Variants in APLF observed in about 807,000 individuals in gnomAD.
APLF encodes aprataxin and PNK-like factor.
APLF carries 61 observed loss-of-function variants against 55.6 expected under a neutral mutation model. The ratio of observed to expected loss-of-function variants is 1.10; its 90% CI spans 0.89 to 1.36. APLF has a LOEUF of 1.36. Among genes scored for constraint, APLF ranks in the 40% most tolerant of loss-of-function variants. The probability of loss-of-function intolerance (pLI) is 0.00; values close to 1 mark genes in which losing one functional copy is unlikely to be tolerated. For synonymous variants in APLF, 207 were observed against 214.8 expected (o/e 0.96, Z 0.32); for missense variants, 611 against 602.5 (o/e 1.01, Z -0.15).
chr2:68,565,007 G>A (rs534228859), intron 8 of APLF, among the ~76,000 whole-genome samples: 1 of 152,074 alleles, frequency 6.6e-6, no homozygotes, highest in Non-Finnish European at 1.5e-5. Flanking sequence ...TCTCAGCTTT[G>A]TTACCCATAT....
intron 1 of APLF, among the ~76,000 whole-genome samples, chr2:68,478,686 A>C (rs1675858424): frequency 6.6e-6 from 1 of 152,222 alleles, no homozygotes; most frequent in Admixed American, 6.5e-5. Context: ...CTGTCTGAAC[A>C]GGTTTTTTAA....
intron 3 of APLF, among the ~76,000 whole-genome samples, chr2:68,508,341 G>T (rs149674077): frequency 6.4e-4 from 98 of 151,962 alleles, no homozygotes; most frequent in Non-Finnish European, 9.9e-4. Flanking sequence ...TGACAAAGGT[G>T]TCAAGACAAT....
chr2:68,572,441 A>G (rs1181248788), intron 9 of APLF, among the ~76,000 whole-genome samples: 2 of 152,220 alleles, frequency 1.3e-5, no homozygotes, highest in Non-Finnish European at 2.9e-5. Flanking sequence ...ATTTAATAGA[A>G]AGTAAAAGAA....
chr2:68,528,439 C>T lies in APLF; in HGVS notation c.804+2197C>T. ...GGGGCCTCTCATCTCTCTCCCACCT[C>T]AGTTGCAGGGGAGGGGTTGGTTGCA... On this transcript the variant is annotated intron_variant, in intron 6 of 9. Coordinates refer to ENST00000303795, the MANE Select transcript of APLF (RefSeq NM_173545.3). The T allele has an allele frequency of 3.3e-6, 5 of 1,534,312 alleles. No individual in the cohort carries two copies. The South Asian group carries it at 4.8e-5, about 15-fold the overall frequency.
At chr2:68,575,367 G>A (rs1245996328) in intron 9 of APLF, among the ~76,000 whole-genome samples, 1 of 152,176 alleles carries the variant, frequency 6.6e-6, no homozygotes, top group Non-Finnish European at 1.5e-5. Context: ...CATAGGATGA[G>A]ATCAGAAAAC....
At chr2:68,551,591 A>ATTATTC (rs1670862183) in intron 8 of APLF, among the ~76,000 whole-genome samples, 3 of 136,180 alleles carry the variant, frequency 2.2e-5, no homozygotes, top group African/African-American at 8.9e-5. Flanking sequence ...TGTTTATTTA[A>ATTATTC]TTCTTCTTCT....
intron 5 of APLF, among the ~76,000 whole-genome samples, chr2:68,518,327 T>G (rs1669715525): frequency 8.8e-6 from 1 of 113,212 alleles, no homozygotes; most frequent in African/African-American, 3.7e-5. Flanking sequence ...TAATATATAA[T>G]ATATTAATAA....
At chr2:68,473,343 G>C (rs879545085) in intron 1 of APLF, among the ~76,000 whole-genome samples, 1 of 152,126 alleles carries the variant, frequency 6.6e-6, no homozygotes, top group African/African-American at 2.4e-5. Context: ...TTCATGGCTT[G>C]ATAGCTCATT....
intron 8 of APLF, among the ~76,000 whole-genome samples, chr2:68,545,848 A>G (rs1357237983): frequency 2.0e-5 from 3 of 152,208 alleles, no homozygotes; most frequent in Non-Finnish European, 4.4e-5. Flanking sequence ...CTTTTCCTAC[A>G]GGCAGCAAGT....
At chr2:68,530,429 A>ACAGCAGCC (rs1670222958) in intron 6 of APLF, among the ~76,000 whole-genome samples, 2 of 152,144 alleles carry the variant, frequency 1.3e-5, no homozygotes, top group African/African-American at 4.8e-5. Flanking sequence ...TTGCTCTTCT[A>ACAGCAGCC]ATGGAGCCTT....
intron 1 of APLF, among the ~76,000 whole-genome samples, chr2:68,475,852 G>A (rs1675754884): frequency 6.6e-6 from 1 of 151,316 alleles, no homozygotes; most frequent in African/African-American, 2.4e-5. Context: ...TTTCTTTATA[G>A]TAACCAGTCT....
intron 1 of APLF, among the ~76,000 whole-genome samples, chr2:68,481,482 T>C (rs1050465826): frequency 3.3e-5 from 5 of 152,198 alleles, no homozygotes; most frequent in African/African-American, 1.2e-4. Flanking sequence ...GTTAGTCTAA[T>C]GGGCATTCCC....
At chr2:68,494,277 CA>C (rs59466460) in intron 2 of APLF, among the ~76,000 whole-genome samples, 6,829 of 49,622 alleles carry the variant, frequency 0.14, 169 homozygotes, top group African/African-American at 0.29. Context: ...GACCCCGTCT[CA>C]AAAAAAAAAA....
intron 4 of APLF, 24 bp from the exon 5 acceptor site, chr2:68,513,524 A>G (rs1669472259): frequency 6.2e-7 from 1 of 1,602,026 alleles, no homozygotes; most frequent in African/African-American, 1.4e-5. Flanking sequence ...GATTATTTTT[A>G]GTAATTTATA....
At chr2:68,498,866 C>G (rs903292339) in intron 2 of APLF, among the ~76,000 whole-genome samples, 3 of 151,928 alleles carry the variant, frequency 2.0e-5, no homozygotes, top group African/African-American at 7.2e-5. Flanking sequence ...TATTATTGAC[C>G]CTCAAAATAT....
At chr2:68,472,888 C>T (rs1205086675) in intron 1 of APLF, among the ~76,000 whole-genome samples, 2 of 152,066 alleles carry the variant, frequency 1.3e-5, no homozygotes, top group East Asian at 1.9e-4. Context: ...TTTAGGTTCA[C>T]AGCAAAACTG....
intron 5 of APLF, among the ~76,000 whole-genome samples, chr2:68,524,067 G>A (rs1669967293): frequency 6.6e-6 from 1 of 152,014 alleles, no homozygotes; most frequent in African/African-American, 2.4e-5. Flanking sequence ...TAGAAGCTGT[G>A]TCTTGTTTAA....
intron 8 of APLF, among the ~76,000 whole-genome samples, chr2:68,551,087 AT>A (rs1573252678): frequency 6.6e-6 from 1 of 151,994 alleles, no homozygotes; most frequent in African/African-American, 2.4e-5. Flanking sequence ...AAGTGTTCTT[AT>A]TTTAAATTTT....
chr2:68,551,538 A>G (rs575683256), intron 8 of APLF, among the ~76,000 whole-genome samples: 27 of 151,454 alleles, frequency 1.8e-4, no homozygotes, highest in African/African-American at 5.8e-4. Flanking sequence ...AAGCCCATTC[A>G]AAGAGTTCCT....
Sources: gnomAD v4.1 joint callset for allele counts (sites outside exome capture counted in the v4.1 genomes callset) on GRCh38, gnomAD v4.1.1 for gene constraint, MANE v1.5 for transcripts, NCBI Gene and HGNC (gene_info 2026-07-23, HGNC 2026-07-21) for gene names.